Variants in LGALS8 observed in about 807,000 individuals in gnomAD.
The protein encoded by LGALS8 is galectin-8.
A neutral mutation model predicts 35.9 loss-of-function variants in LGALS8; 30 were observed. The observed-to-expected ratio is 0.83, with a 90% CI of 0.62 to 1.13. The LOEUF (loss-of-function observed/expected upper bound fraction) is 1.13, where lower values mean the gene tolerates loss of function less well. Ranked by LOEUF, LGALS8 falls within the 50% of genes most tolerant of loss-of-function variation. LGALS8 has a pLI of 0.00. For missense variants in LGALS8, 366 were observed against 388.7 expected (o/e 0.94, Z 0.49); for synonymous variants, 138 against 136.1 (o/e 1.01, Z -0.10).
chr1:236,547,297 A>ATTGT (rs1449294789), intron 9 of LGALS8, among the ~76,000 whole-genome samples: 2 of 152,026 alleles, frequency 1.3e-5, no homozygotes, highest in Admixed American at 1.3e-4. Context: ...TTGGTTTTTC[A>ATTGT]TTGTTTGAGT....
At chr1:236,542,577 G>A (rs527717499) in intron 6 of LGALS8, 184 bp from the exon 7 acceptor site, 11 of 639,566 alleles carry the variant, frequency 1.7e-5, no homozygotes, top group South Asian at 5.5e-5. Context: ...TTCTCAACCC[G>A]TGTAGCCCTT....
At position 236,524,071 on chromosome 1, in the gene LGALS8, G is replaced by A. The variant is rs1032738009; in HGVS notation, c.-104+10G>A. 8.8e-6 allele frequency: 4 copies of A among 454,832 alleles called. No homozygotes were observed. The highest frequency in any genetic ancestry group is 8.0e-5 in the African/African-American group (4 of 50,056). The allele number at this position is 454,832 out of a possible 1,614,324, so 28.2% of individuals were successfully genotyped here. A position where few individuals can be genotyped will look rare whatever the true frequency, so the allele number is the denominator to read the frequency against. On this transcript the variant is annotated intron_variant, in intron 1 of 9. Transcript: ENST00000366584. ...AAACACCAGTCTTTGGGTGAGTCGC[G>A]CGACCCCCGGCCTCGGGTGGCGGGG... is the stretch of plus-strand genomic sequence containing the variant.
chr1:236,529,896 G>A (rs2103073459), intron 2 of LGALS8, among the ~76,000 whole-genome samples: 1 of 152,138 alleles, frequency 6.6e-6, no homozygotes, highest in African/African-American at 2.4e-5. Flanking sequence ...CAGGCAATCC[G>A]CCCGCCTCGG....
At chr1:236,528,873 T>C (rs141401504) in intron 2 of LGALS8, among the ~76,000 whole-genome samples, 13 of 152,314 alleles carry the variant, frequency 8.5e-5, no homozygotes, top group African/African-American at 3.1e-4. Context: ...CCACATTAAG[T>C]TTTCTTGGAA....
In LGALS8 at chr1:236,526,108, A is replaced by G. The variant is rs1660801877; in HGVS notation, c.38A>G (p.Tyr13Cys). ...LSLNNLQNIIYNPVIPFVGTI... is the reference protein window; with the variant it reads ...LSLNNLQNIICNPVIPFVGTI... The stretch of plus-strand genomic sequence containing the variant: ...TTAAACAACCTACAGAATATCATCT[A>G]TAACCCGGTAACTGATTTCTATAAG... Residue 13 changes from tyrosine (Y) to cysteine (C), a missense_variant, in exon 2 of 10, where the codon TAT (tyrosine) becomes TGT (cysteine). Physicochemically the swap from Tyr to Cys is radical, Grantham distance 194. Transcript: ENST00000366584. This position sits in a 1 kb window ranked among gnomAD's most constrained non-coding sequence, Gnocchi z 4.6. 1.2e-6 allele frequency: 2 copies of G among 1,608,062 alleles called. No individual in the cohort carries two copies. Among genetic ancestry groups the G allele is most frequent in the Admixed American group, 1.7e-5 (1 of 59,984 alleles).
intron 1 of LGALS8, 30 bp from the exon 2 acceptor site, chr1:236,525,938 T>G: frequency 1.8e-6 from 1 of 557,640 alleles, no homozygotes; most frequent in East Asian, 2.8e-5. Context: ...CATGCTTACT[T>G]TTCTTTTCCT....
chr1:236,537,471 T>A, intron 2 of LGALS8, 26 bp from the exon 3 acceptor site: 1 of 1,414,902 alleles, frequency 7.1e-7, no homozygotes, highest in Non-Finnish European at 1.0e-6. Flanking sequence ...TATGTAAACG[T>A]ACATTTGTTA....
At chr1:236,536,539 T>C (rs1170943287) in intron 2 of LGALS8, 2 of 152,346 alleles carry the variant, frequency 1.3e-5, no homozygotes, top group Non-Finnish European at 2.9e-5. Context: ...GCCTGCAGAC[T>C]GGACTGGTCC....
At chr1:236,538,853 G>A (rs2244808) in intron 3 of LGALS8, 26 bp from the exon 4 acceptor site, 1,031,090 of 1,570,166 alleles carry the variant, frequency 0.66, 344,553 homozygotes, top group Non-Finnish European at 0.69. Flanking sequence ...AGCACTCATG[G>A]GGCCCCTGTG....
At chr1:236,545,906 C>T (rs1294619962) in intron 9 of LGALS8, among the ~76,000 whole-genome samples, 2 of 152,002 alleles carry the variant, frequency 1.3e-5, no homozygotes, top group East Asian at 3.9e-4. Context: ...GGGTTGTTAG[C>T]TTGGCAAGAG....
At chr1:236,528,490 A>G (rs145337994) in intron 2 of LGALS8, among the ~76,000 whole-genome samples, 1,711 of 148,200 alleles carry the variant, frequency 0.012, 37 homozygotes, top group African/African-American at 0.039. Context: ...TGTATTCTTT[A>G]TTAGGCATTA....
chr1:236,545,974 G>T (rs1201630307), intron 9 of LGALS8, among the ~76,000 whole-genome samples: 1 of 152,200 alleles, frequency 6.6e-6, no homozygotes, highest in African/African-American at 2.4e-5. Context: ...GAGTGCTCTA[G>T]AAGGAAGTTG....
chr1:236,538,728 G>C, intron 3 of LGALS8, 151 bp from the exon 4 acceptor site: 1 of 627,358 alleles, frequency 1.6e-6, no homozygotes, highest in Non-Finnish European at 2.9e-6. Context: ...GAAAAGATTA[G>C]ACAGTCAGCT....
rs564255049 is a variant in LGALS8 at position 236,528,336 on chromosome 1, G to A, written c.45+2221G>A. Among the ~76,000 whole-genome samples the A allele has an allele frequency of 8.6e-5, 13 of 150,328 alleles. No individual in the cohort carries two copies. The South Asian group carries it at 2.7e-3, about 32-fold the overall frequency. ...GGCGGAGGTTGCAGTGAGCCGAGAT[G>A]GTGCCACTGCACTCCAGCCTGGGTG... On this transcript the variant is annotated intron_variant, in intron 2 of 9. Transcript: ENST00000366584.
chr1:236,524,082 C>A (rs1487262926), intron 1 of LGALS8, 21 bp downstream of exon 1: 1 of 455,668 alleles, frequency 2.2e-6, no homozygotes, highest in Non-Finnish European at 4.4e-6. Context: ...CGACCCCCGG[C>A]CTCGGGTGGC....
At chr1:236,542,137 A>C (rs990184271) in intron 6 of LGALS8, among the ~76,000 whole-genome samples, 2 of 152,198 alleles carry the variant, frequency 1.3e-5, no homozygotes, top group Admixed American at 6.5e-5. Context: ...GACAGAACAG[A>C]ATCTTAGCAT....
rs1317361343 is a variant in LGALS8, at chr1:236,548,912, G to A, written c.*751G>A. On this transcript the variant is annotated 3_prime_UTR_variant, in exon 10 of 10. Coordinates refer to ENST00000366584, the MANE Select transcript of LGALS8 (RefSeq NM_201544.4). ...GGTGCTGAAATTAACTTGATGCCAA[G>A]CCCAAGGCAGCTGATTTCTGTGTAT... 5 of 398,610 alleles carry A rather than the reference G, an allele frequency of 1.3e-5. No homozygotes were observed. Among genetic ancestry groups the A allele is most frequent in the Non-Finnish European group, 2.2e-5 (5 of 226,050 alleles). The allele number at this position is 398,610 out of a possible 1,614,324, so 24.7% of individuals were successfully genotyped here.
intron 2 of LGALS8, among the ~76,000 whole-genome samples, chr1:236,533,977 C>T (rs369107031): frequency 2.6e-4 from 20 of 77,024 alleles, no homozygotes; most frequent in African/African-American, 6.6e-4. Flanking sequence ...CCCCTGACCC[C>T]GGATGTAGCT....
intron 2 of LGALS8, chr1:236,536,751 C>T (rs553256446): frequency 3.9e-5 from 6 of 152,382 alleles, no homozygotes; most frequent in African/African-American, 7.2e-5. Context: ...TCATTGTCTC[C>T]GTCAGCATTG....
Sources: gnomAD v4.1 joint callset for allele counts (sites outside exome capture counted in the v4.1 genomes callset) on GRCh38, gnomAD v4.1.1 for gene constraint, Gnocchi (gnomAD v3.1) non-coding constraint, MANE v1.5 for transcripts, NCBI Gene and HGNC (gene_info 2026-07-23, HGNC 2026-07-21) for gene names.